DAPP1: variants seen among roughly 807,000 people sequenced by gnomAD.
DAPP1 encodes dual adaptor of phosphotyrosine and 3-phosphoinositides 1, also known as dual adapter for phosphotyrosine and 3-phosphotyrosine and 3-phosphoinositide.
A neutral mutation model predicts 41.5 loss-of-function variants in DAPP1; 20 were observed. That is an observed-to-expected ratio of 0.48 (90% CI 0.34 to 0.70). DAPP1 has a LOEUF of 0.70. Ranked by LOEUF, DAPP1 falls within the 30% of genes least tolerant of loss-of-function variation. DAPP1 has a pLI of 0.01. For synonymous variants in DAPP1, 113 were observed against 116.2 expected (o/e 0.97, Z 0.18); for missense variants, 233 against 333.4 (o/e 0.70, Z 2.35).
intron 2 of DAPP1, among the ~76,000 whole-genome samples, chr4:99,837,460 T>C (rs1278771588): frequency 6.6e-6 from 1 of 152,200 alleles, no homozygotes; most frequent in African/African-American, 2.4e-5. Flanking sequence ...GCATATTCAT[T>C]AACATTTCTC....
chr4:99,866,599 T>A (rs1328078860), intron 8 of DAPP1: 3 of 766,096 alleles, frequency 3.9e-6, no homozygotes, highest in Non-Finnish European at 7.2e-6. Flanking sequence ...TCTCTGTATA[T>A]CTCCCGAGGA....
chr4:99,856,514 G>T (rs139667265), intron 4 of DAPP1, among the ~76,000 whole-genome samples: 4 of 152,242 alleles, frequency 2.6e-5, no homozygotes, highest in African/African-American at 9.6e-5. Context: ...GATTATTGAG[G>T]TAATGAGGGG....
At chr4:99,861,457 T>G in intron 4 of DAPP1, 121 bp from the exon 5 acceptor site, 1 of 1,079,404 alleles carries the variant, frequency 9.3e-7, no homozygotes, top group East Asian at 2.6e-5. Context: ...AGGTGAAAAA[T>G]GATAGACAGT....
chr4:99,819,111 T>C (rs1229658333), intron 1 of DAPP1, among the ~76,000 whole-genome samples: 1 of 152,236 alleles, frequency 6.6e-6, no homozygotes, highest in Non-Finnish European at 1.5e-5. Flanking sequence ...AGCAACTTTA[T>C]TGAGGTTATT....
chr4:99,826,245 T>C (rs1386832807), intron 1 of DAPP1, among the ~76,000 whole-genome samples: 2 of 152,186 alleles, frequency 1.3e-5, no homozygotes, highest in Non-Finnish European at 2.9e-5. Context: ...ATGTTATGCA[T>C]TTGTCATCTT....
intron 4 of DAPP1, among the ~76,000 whole-genome samples, chr4:99,857,169 C>T (rs554456877): frequency 6.6e-6 from 1 of 152,218 alleles, no homozygotes; most frequent in South Asian, 2.1e-4. Flanking sequence ...TTGTACATAA[C>T]ATGAGAATTC....
At chr4:99,834,737 G>A (rs980784077) in intron 1 of DAPP1, among the ~76,000 whole-genome samples, 1 of 152,102 alleles carries the variant, frequency 6.6e-6, no homozygotes, top group African/African-American at 2.4e-5. Context: ...AGTTTGCTAG[G>A]GCTGCTATAA....
intron 1 of DAPP1, among the ~76,000 whole-genome samples, chr4:99,829,657 A>G (rs1723055068): frequency 6.6e-6 from 1 of 152,194 alleles, no homozygotes; most frequent in Non-Finnish European, 1.5e-5. Context: ...CTCACCAACA[A>G]TTATAAAAAC....
Position 99,840,364 on chromosome 4 carries a change from A to T in DAPP1, c.300A>T (p.Ser100=). The T allele has an allele frequency of 6.2e-7, 1 of 1,611,432 alleles. No individual in the cohort carries two copies. The highest frequency in any genetic ancestry group is 8.5e-7 in the Non-Finnish European group (1 of 1,179,124). Residue 100 remains serine (S), a synonymous_variant, in exon 3 of 9, where the codon TCA becomes TCT. Coordinates refer to ENST00000512369, the MANE Select transcript of DAPP1 (RefSeq NM_014395.3). ...YSFKFGFNEF[S]SLKDFVKHFA... ...TTAAATTTGGCTTTAATGAATTCTCATCTTTGAAGGATTTTGTCAAGCATT... is the reference window on the plus strand; with the variant it reads ...TTAAATTTGGCTTTAATGAATTCTCTTCTTTGAAGGATTTTGTCAAGCATT...
intron 2 of DAPP1, 50 bp from the exon 3 acceptor site, chr4:99,840,239 C>T: frequency 7.7e-7 from 1 of 1,291,410 alleles, no homozygotes; most frequent in Non-Finnish European, 1.1e-6. Context: ...TTCCCTTCAA[C>T]AAGATATTTA....
At chr4:99,859,841 A>G (rs549164893) in intron 4 of DAPP1, among the ~76,000 whole-genome samples, 1 of 152,224 alleles carries the variant, frequency 6.6e-6, no homozygotes, top group East Asian at 1.9e-4. Context: ...CCAGGCTTCA[A>G]TGCCTCGCAC....
At chr4:99,860,341 A>G (rs1004126309) in intron 4 of DAPP1, among the ~76,000 whole-genome samples, 6 of 152,218 alleles carry the variant, frequency 3.9e-5, no homozygotes, top group Non-Finnish European at 1.5e-5. Flanking sequence ...AGGATCTTTT[A>G]TACAACAATT....
intron 3 of DAPP1, among the ~76,000 whole-genome samples, chr4:99,850,395 G>A (rs937560639): frequency 1.3e-5 from 2 of 151,854 alleles, no homozygotes; most frequent in African/African-American, 4.8e-5. Flanking sequence ...GGGTGACAGA[G>A]CAAGACTCCG....
chr4:99,818,194 A>G (rs376094071), intron 1 of DAPP1, among the ~76,000 whole-genome samples: 1 of 152,188 alleles, frequency 6.6e-6, no homozygotes, highest in African/African-American at 2.4e-5. Flanking sequence ...TGGAATTTTC[A>G]TTAAAGAAAA....
intron 8 of DAPP1, chr4:99,866,513 G>T (rs78793210): frequency 0.089 from 67,873 of 762,522 alleles, 3,936 homozygotes; most frequent in East Asian, 0.25. Context: ...AAGTTTGCCA[G>T]AGGCACTTAG....
chr4:99,861,641 T>G lies in DAPP1; in HGVS notation c.537+16T>G. On this transcript the variant is annotated intron_variant, in intron 5 of 8. Transcript: ENST00000512369. ...CCTGGTCAAGGTAAGGAAGTGTGGT[T>G]TTGCTCATGCCAGCCACAGAAAAAA... is the stretch of plus-strand genomic sequence containing the variant. 1.1e-5 allele frequency: 17 copies of G among 1,566,900 alleles called. No homozygotes were observed. Among genetic ancestry groups the G allele is most frequent in the Non-Finnish European group, 1.5e-5 (17 of 1,155,010 alleles).
At chr4:99,854,852 G>A (rs1723990735) in intron 4 of DAPP1, among the ~76,000 whole-genome samples, 1 of 152,102 alleles carries the variant, frequency 6.6e-6, no homozygotes, top group Non-Finnish European at 1.5e-5. Flanking sequence ...ACCATGCTGT[G>A]GGCTAATTAC....
At position 99,863,833 on chromosome 4, in the gene DAPP1, C is replaced by T; in HGVS notation, c.664C>T (p.Gln222Ter). ...ECSAVQFDYS[Q>*]ERVNCFCLVF... ...TTCAGCTGTACAATTCGATTATTCA[C>T]AAGAAAGGGTAAACTGTTTTTGGTA... Residue 222 changes from glutamine (Q) to a stop codon, truncating the protein, a stop_gained, in exon 7 of 9, where the codon CAA becomes TAA. Transcript: ENST00000512369. LOFTEE classifies it high-confidence loss of function. 1.3e-6 allele frequency: 2 copies of T among 1,595,246 alleles called. No individual in the cohort carries two copies. The highest frequency in any genetic ancestry group is 1.7e-6 in the Non-Finnish European group (2 of 1,169,470).
At chr4:99,848,529 C>T (rs954394282) in intron 3 of DAPP1, among the ~76,000 whole-genome samples, 2 of 152,088 alleles carry the variant, frequency 1.3e-5, no homozygotes, top group Non-Finnish European at 2.9e-5. Context: ...GCGCCCTGCC[C>T]AGGAGCAGAA....
Sources: allele counts gnomAD v4.1 joint callset (sites outside exome capture counted in the v4.1 genomes callset), GRCh38; gene constraint gnomAD v4.1.1; transcripts MANE v1.5; gene names NCBI Gene and HGNC (gene_info 2026-07-23, HGNC 2026-07-21).